The following KHDRBS3 variants were observed in gnomAD, a reference collection of about 807,000 sequenced individuals.
KHDRBS3 encodes the protein KH domain-containing, RNA-binding, signal transduction-associated protein 3.
KHDRBS3 carries 23 observed loss-of-function variants against 45.6 expected under a neutral mutation model. That is an observed-to-expected ratio of 0.50 (90% confidence interval 0.36 to 0.72). The LOEUF (loss-of-function observed/expected upper bound fraction) is 0.72, where lower values mean the gene tolerates loss of function less well. KHDRBS3 is among the 30% of genes least tolerant of loss of function. KHDRBS3 has a pLI of 0.00. For missense variants in KHDRBS3, 352 were observed against 424.8 expected, an observed-to-expected ratio of 0.83 and a Z score of 1.51; for synonymous variants, 162 against 156.5, an observed-to-expected ratio of 1.04 and a Z score of -0.26.
At chr8:135,501,270 G>A (rs1823722582) in intron 1 of KHDRBS3, among the ~76,000 whole-genome samples, 1 of 152,158 alleles carries the variant, frequency 6.6e-6, no homozygotes, top group South Asian at 2.1e-4. Flanking sequence ...TAGAATTTAA[G>A]GTCTTCAGAC....
chr8:135,483,477 G>T (rs1822689765), intron 1 of KHDRBS3, among the ~76,000 whole-genome samples: 4 of 152,196 alleles, frequency 2.6e-5, no homozygotes, highest in Admixed American at 2.6e-4. Context: ...GGAGAAAATG[G>T]AGGGAATTTT....
chr8:135,564,017 A>T (rs1827286717), intron 5 of KHDRBS3, among the ~76,000 whole-genome samples: 1 of 152,200 alleles, frequency 6.6e-6, no homozygotes, highest in Non-Finnish European at 1.5e-5. Flanking sequence ...TTTAAGTGAG[A>T]ACATTAGGCT....
chr8:135,559,581 T>C (rs566627247), intron 5 of KHDRBS3, among the ~76,000 whole-genome samples: 1 of 152,264 alleles, frequency 6.6e-6, no homozygotes, highest in African/African-American at 2.4e-5. Context: ...CAGGCTGCTC[T>C]CTAACTCCTG....
intron 6 of KHDRBS3, among the ~76,000 whole-genome samples, chr8:135,586,879 G>A (rs1424557248): frequency 5.3e-5 from 8 of 152,028 alleles, no homozygotes; most frequent in Non-Finnish European, 1.0e-4. Flanking sequence ...AACAAAATGA[G>A]GAAAATTCTA....
At chr8:135,504,565 A>G (rs1823895783) in intron 1 of KHDRBS3, among the ~76,000 whole-genome samples, 1 of 152,216 alleles carries the variant, frequency 6.6e-6, no homozygotes, top group South Asian at 2.1e-4. Flanking sequence ...TGTAAACTTA[A>G]TTAGTTCTTG....
chr8:135,504,452 T>G (rs1823889012), intron 1 of KHDRBS3, among the ~76,000 whole-genome samples: 1 of 152,252 alleles, frequency 6.6e-6, no homozygotes, highest in African/African-American at 2.4e-5. Context: ...CTTGGCTGGT[T>G]GTAGCATTTG....
chr8:135,634,975 T>C (rs1300810447), intron 7 of KHDRBS3, among the ~76,000 whole-genome samples: 1 of 152,258 alleles, frequency 6.6e-6, no homozygotes, highest in African/African-American at 2.4e-5. Flanking sequence ...TCACAATCCC[T>C]GTATACTTCA....
At chr8:135,614,428 T>A (rs1031772672) in intron 7 of KHDRBS3, among the ~76,000 whole-genome samples, 6 of 151,918 alleles carry the variant, frequency 3.9e-5, no homozygotes, top group African/African-American at 1.5e-4. Context: ...TTATATTTGA[T>A]GTCTTATTTA....
intron 1 of KHDRBS3, among the ~76,000 whole-genome samples, chr8:135,500,166 A>G (rs1349046569): frequency 6.6e-6 from 1 of 152,202 alleles, no homozygotes; most frequent in African/African-American, 2.4e-5. Context: ...GGATTTCAAG[A>G]GGAGATGAAA....
At chr8:135,549,827 AG>A (rs1826497116) in intron 4 of KHDRBS3, 1 of 152,210 alleles carries the variant, frequency 6.6e-6, no homozygotes, top group South Asian at 2.1e-4. Context: ...TTATATTTAT[AG>A]GGAAAGGATA....
At chr8:135,630,379 C>A (rs1451803127) in intron 7 of KHDRBS3, among the ~76,000 whole-genome samples, 1 of 152,208 alleles carries the variant, frequency 6.6e-6, no homozygotes, top group Non-Finnish European at 1.5e-5. Flanking sequence ...CACCACTTAA[C>A]CAGCTATGTG....
At chr8:135,642,464 C>T (rs1831101659) in intron 7 of KHDRBS3, among the ~76,000 whole-genome samples, 2 of 152,152 alleles carry the variant, frequency 1.3e-5, no homozygotes, top group South Asian at 4.1e-4. Flanking sequence ...CGTTTTTCTT[C>T]TAAATTTTTT....
intron 6 of KHDRBS3, among the ~76,000 whole-genome samples, chr8:135,605,887 T>C (rs1014167356): frequency 2.0e-5 from 3 of 152,174 alleles, no homozygotes; most frequent in Non-Finnish European, 4.4e-5. Context: ...GGACATACTT[T>C]TGTGAGTTTT....
intron 1 of KHDRBS3, among the ~76,000 whole-genome samples, chr8:135,502,467 A>T (rs1823782604): frequency 1.3e-5 from 2 of 152,016 alleles, no homozygotes; most frequent in Non-Finnish European, 2.9e-5. Context: ...GTTTCCCTTG[A>T]TTTTTTGACC....
chr8:135,584,957 C>T (rs1443227158), intron 6 of KHDRBS3, among the ~76,000 whole-genome samples: 1 of 151,880 alleles, frequency 6.6e-6, no homozygotes, highest in African/African-American at 2.4e-5. Flanking sequence ...GCACGATGCT[C>T]ACGCTTGTAA....
At chr8:135,485,641 T>C (rs938187719) in intron 1 of KHDRBS3, among the ~76,000 whole-genome samples, 1 of 152,028 alleles carries the variant, frequency 6.6e-6, no homozygotes, top group African/African-American at 2.4e-5. Flanking sequence ...TGAAGTTAAT[T>C]TGCAAAATAC....
At chr8:135,583,009 C>G (rs148331371) in intron 6 of KHDRBS3, among the ~76,000 whole-genome samples, 2 of 152,290 alleles carry the variant, frequency 1.3e-5, no homozygotes, top group East Asian at 3.9e-4. Flanking sequence ...CTTAGTCTTC[C>G]AGACCTTTGC....
At chr8:135,516,851 A>G (rs1483320342) in intron 1 of KHDRBS3, among the ~76,000 whole-genome samples, 1 of 152,228 alleles carries the variant, frequency 6.6e-6, no homozygotes, top group Non-Finnish European at 1.5e-5. Flanking sequence ...AAGTTGCTAG[A>G]ACAAAGGAAA....
chr8:135,640,186 G>A (rs893971743), intron 7 of KHDRBS3, among the ~76,000 whole-genome samples: 3 of 152,118 alleles, frequency 2.0e-5, no homozygotes, highest in Non-Finnish European at 2.9e-5. Flanking sequence ...AATTTTAGGT[G>A]TGCTAAAGAC....
Sources: allele counts gnomAD v4.1 joint callset (sites outside exome capture counted in the v4.1 genomes callset), GRCh38; gene constraint gnomAD v4.1.1; transcripts MANE v1.5; gene names NCBI Gene and HGNC (gene_info 2026-07-23, HGNC 2026-07-21).